The following PLCXD3 variants were observed in gnomAD, a reference collection of about 807,000 sequenced individuals.
The protein encoded by PLCXD3 is PI-PLC X domain-containing protein 3.
In PLCXD3, 19 loss-of-function variants were observed where a neutral mutation model predicts 25.5. The observed-to-expected ratio is 0.75, with a 90% CI of 0.52 to 1.09. The LOEUF (loss-of-function observed/expected upper bound fraction) is 1.09, where lower values mean the gene tolerates loss of function less well. Ranked by LOEUF, PLCXD3 falls within the 50% of genes least tolerant of loss-of-function variation. The pLI, the probability that PLCXD3 is intolerant of heterozygous loss-of-function variation, is 0.00. For synonymous variants in PLCXD3, 174 were observed against 137.6 expected (o/e 1.26, Z -1.85); for missense variants, 411 against 388.1 (o/e 1.06, Z -0.50).
chr5:41,489,283 A>G lies in PLCXD3; in HGVS notation c.103+21141T>C, dbSNP rs1282081796. 4.6e-5 allele frequency among the ~76,000 whole-genome samples: 7 copies of G among 152,034 alleles called. No homozygotes were observed. In the South Asian group the frequency reaches 1.3e-3, roughly 27 times the overall value. On this transcript the variant is annotated intron_variant, in intron 1 of 2. Transcript: ENST00000377801. ...CTGAGGGCTCTGTTCTGTTCCATTG[A>G]TCTATATCTCTGTTTTGGTACCAGT...
chr5:41,495,072 G>T (rs1748805069), intron 1 of PLCXD3, among the ~76,000 whole-genome samples: 1 of 152,238 alleles, frequency 6.6e-6, no homozygotes, highest in South Asian at 2.1e-4. Context: ...CTCCAGATGA[G>T]CAAGAAATGT....
At chr5:41,351,358 G>T (rs1744454421) in intron 2 of PLCXD3, among the ~76,000 whole-genome samples, 1 of 152,084 alleles carries the variant, frequency 6.6e-6, no homozygotes, top group South Asian at 2.1e-4. Context: ...TGAGCTTTAG[G>T]CTAGCAGGGT....
intron 1 of PLCXD3, among the ~76,000 whole-genome samples, chr5:41,482,461 C>T (rs141790128): frequency 8.5e-4 from 130 of 152,226 alleles, no homozygotes; most frequent in African/African-American, 3.1e-3. Flanking sequence ...TATATTATTC[C>T]ATTAACCCTT....
At chr5:41,340,572 G>T (rs1364078251) in intron 2 of PLCXD3, among the ~76,000 whole-genome samples, 8 of 152,056 alleles carry the variant, frequency 5.3e-5, no homozygotes, top group African/African-American at 1.9e-4. Context: ...ACTAGAGATG[G>T]CCATGGTCTC....
intron 1 of PLCXD3, among the ~76,000 whole-genome samples, chr5:41,410,771 G>T (rs1746495858): frequency 6.6e-6 from 1 of 152,208 alleles, no homozygotes; most frequent in African/African-American, 2.4e-5. Context: ...CCATATAGAG[G>T]TAACGTGCAG....
intron 2 of PLCXD3, among the ~76,000 whole-genome samples, chr5:41,362,725 C>T (rs1016838264): frequency 6.6e-6 from 1 of 152,134 alleles, no homozygotes; most frequent in African/African-American, 2.4e-5. Flanking sequence ...CTTTTTACTG[C>T]TTGCTATTTT....
intron 1 of PLCXD3, among the ~76,000 whole-genome samples, chr5:41,495,236 T>C (rs1748808135): frequency 6.6e-6 from 1 of 152,190 alleles, no homozygotes; most frequent in Non-Finnish European, 1.5e-5. Flanking sequence ...ATTCTGACTT[T>C]TGGAGAAGCC....
intron 2 of PLCXD3, among the ~76,000 whole-genome samples, chr5:41,342,370 A>G (rs4245978): frequency 0.084 from 12,850 of 152,118 alleles, 832 homozygotes; most frequent in East Asian, 0.35. Flanking sequence ...AATCTAGAAA[A>G]CCTGAATATA....
intron 1 of PLCXD3, among the ~76,000 whole-genome samples, chr5:41,440,707 C>T (rs953081765): frequency 6.6e-6 from 1 of 151,692 alleles, no homozygotes; most frequent in African/African-American, 2.4e-5. Context: ...TGATTTGGAC[C>T]CTTTTCTGAT....
At chr5:41,370,874 G>C (rs1489104111) in intron 2 of PLCXD3, among the ~76,000 whole-genome samples, 1 of 152,168 alleles carries the variant, frequency 6.6e-6, no homozygotes, top group East Asian at 1.9e-4. Context: ...CAAATGGAAT[G>C]TTCTCAAATC....
chr5:41,501,020 C>T (rs1028832591), intron 1 of PLCXD3, among the ~76,000 whole-genome samples: 1 of 151,902 alleles, frequency 6.6e-6, no homozygotes, highest in South Asian at 2.1e-4. Flanking sequence ...CACCTAATAC[C>T]TGTTAGGATG....
intron 1 of PLCXD3, among the ~76,000 whole-genome samples, chr5:41,503,498 G>T (rs1440315771): frequency 2.0e-5 from 3 of 152,232 alleles, no homozygotes; most frequent in African/African-American, 7.2e-5. Flanking sequence ...ATCTGTTTCA[G>T]TACCTGACCT....
intron 1 of PLCXD3, among the ~76,000 whole-genome samples, chr5:41,493,402 G>A (rs1189428237): frequency 6.6e-6 from 1 of 152,240 alleles, no homozygotes; most frequent in Non-Finnish European, 1.5e-5. Flanking sequence ...CACTTGAGGA[G>A]GCAGTCTGCC....
At chr5:41,501,791 G>A (rs1313288626) in intron 1 of PLCXD3, among the ~76,000 whole-genome samples, 2 of 152,100 alleles carry the variant, frequency 1.3e-5, no homozygotes, top group Non-Finnish European at 2.9e-5. Flanking sequence ...CATCAATGTT[G>A]CTGAAATGTC....
intron 1 of PLCXD3, among the ~76,000 whole-genome samples, chr5:41,443,635 A>G (rs1423972142): frequency 6.6e-6 from 1 of 152,182 alleles, no homozygotes; most frequent in Non-Finnish European, 1.5e-5. Context: ...AAAGAAGGAG[A>G]GACTGTGCTG....
chr5:41,472,277 G>C (rs2150520393), intron 1 of PLCXD3, among the ~76,000 whole-genome samples: 1 of 152,232 alleles, frequency 6.6e-6, no homozygotes, highest in South Asian at 2.1e-4. Context: ...GAAACAGGCA[G>C]TTAACTCTTC....
At chr5:41,401,274 A>G (rs926736790) in intron 1 of PLCXD3, among the ~76,000 whole-genome samples, 1 of 152,008 alleles carries the variant, frequency 6.6e-6, no homozygotes, top group Non-Finnish European at 1.5e-5. Flanking sequence ...TCTAAAAAGT[A>G]TTTGCCTATC....
At chr5:41,418,058 T>C (rs1043164502) in intron 1 of PLCXD3, among the ~76,000 whole-genome samples, 1 of 152,216 alleles carries the variant, frequency 6.6e-6, no homozygotes, top group Non-Finnish European at 1.5e-5. Flanking sequence ...TGTAATTGCC[T>C]CTTTGTTAGG....
At chr5:41,378,150 T>C (rs1745352517) in intron 2 of PLCXD3, among the ~76,000 whole-genome samples, 1 of 152,208 alleles carries the variant, frequency 6.6e-6, no homozygotes, top group Admixed American at 6.5e-5. Context: ...GAATAAGTGA[T>C]AAGTATTAAT....
Sources: allele counts gnomAD v4.1 joint callset (sites outside exome capture counted in the v4.1 genomes callset), GRCh38; gene constraint gnomAD v4.1.1; transcripts MANE v1.5; gene names NCBI Gene and HGNC (gene_info 2026-07-23, HGNC 2026-07-21).